ESR1: variants seen among roughly 807,000 people sequenced by gnomAD.
The protein encoded by ESR1 is estrogen receptor 1.
ESR1 carries 12 observed loss-of-function variants against 52.7 expected under a neutral mutation model. The observed-to-expected ratio is 0.23, with a 90% CI of 0.15 to 0.37. The LOEUF is 0.37. Among genes scored for constraint, ESR1 ranks in the 10% least tolerant of loss-of-function variants. The probability of loss-of-function intolerance (pLI) is 1.00; values close to 1 mark genes in which losing one functional copy is unlikely to be tolerated. For missense variants in ESR1, 584 were observed against 779.7 expected (o/e 0.75, Z 2.99); for synonymous variants, 305 against 316.8 (o/e 0.96, Z 0.39).
chr6:152,071,225 CAAGAA>C lies in ESR1; in HGVS notation c.1369+10104_1369+10108del, dbSNP rs2048328286. Among the ~76,000 whole-genome samples the C allele has an allele frequency of 3.5e-5, 5 of 144,052 alleles. No individual in the cohort carries two copies. The South Asian group carries it at 1.1e-3, about 31-fold the overall frequency. The allele number at this position is 144,052 out of a possible 152,430, so 94.5% of individuals were successfully genotyped here. ...GATCTGATGGTAAAGACAGATATAA[CAAGAA>C]AATTATTCTTTTTAAATATAAAATT... On this transcript the variant is annotated intron_variant, in intron 6 of 7. Transcript: ENST00000206249.
chr6:151,816,475 C>T (rs1377884155), intron 1 of ESR1, among the ~76,000 whole-genome samples: 1 of 152,188 alleles, frequency 6.6e-6, no homozygotes, highest in Non-Finnish European at 1.5e-5. Flanking sequence ...GGGCTTATAA[C>T]ATTCCTGGCA....
chr6:151,918,145 G>C (rs1455313405), intron 3 of ESR1, among the ~76,000 whole-genome samples: 1 of 152,184 alleles, frequency 6.6e-6, no homozygotes, highest in East Asian at 1.9e-4. Context: ...CTGACAGCAT[G>C]TGAATTGAGT....
chr6:151,745,803 A>G (rs1300751142), intron 2 of ESR1, among the ~76,000 whole-genome samples: 1 of 152,194 alleles, frequency 6.6e-6, no homozygotes, highest in African/African-American at 2.4e-5. Flanking sequence ...AAAGCAGTTT[A>G]CTAGTGTTAA....
chr6:151,801,295 T>G (rs944035315), upstream of ESR1, among the ~76,000 whole-genome samples: 1 of 152,196 alleles, frequency 6.6e-6, no homozygotes, highest in African/African-American at 2.4e-5. Context: ...TGAAAGTACT[T>G]TCTACATTGT....
At position 152,099,944 on chromosome 6, in the gene ESR1, G is replaced by C. The variant is rs1456231349; in HGVS notation, c.*978G>C. ...TGAGGGTAAATGGTAGTTGAAAGGA[G>C]CAGGGGCCCTGGTGTTGCATTTAGC... On this transcript the variant is annotated 3_prime_UTR_variant, in exon 8 of 8. Transcript: ENST00000206249. The C allele has an allele frequency of 2.5e-6, 1 of 398,926 alleles. No homozygotes were observed. Among genetic ancestry groups the C allele is most frequent in the Non-Finnish European group, 4.4e-6 (1 of 226,444 alleles). The allele number at this position is 398,926 out of a possible 1,614,324, so 24.7% of individuals were successfully genotyped here. A position where few individuals can be genotyped will look rare whatever the true frequency, so the allele number is the denominator to read the frequency against.
Position 151,865,640 on chromosome 6 carries a change from T to C in ESR1, c.644-15015T>C, listed in dbSNP as rs1241913255. 2.0e-5 allele frequency among the ~76,000 whole-genome samples: 3 copies of C among 152,166 alleles called. 1 individual carries two copies. Among genetic ancestry groups the C allele is most frequent in the Non-Finnish European group, 4.4e-5 (3 of 68,038 alleles). ...GCCAGACGACAAGGAGACATAGACCTCAGGTGAGTGAGAAAAGAGAATAAT... is the reference window on the plus strand; with the variant it reads ...GCCAGACGACAAGGAGACATAGACCCCAGGTGAGTGAGAAAAGAGAATAAT... On this transcript the variant is annotated intron_variant, in intron 2 of 7. Transcript: ENST00000206249.
chr6:151,831,103 G>T (rs1035661393), intron 1 of ESR1, among the ~76,000 whole-genome samples: 2 of 151,212 alleles, frequency 1.3e-5, no homozygotes, highest in African/African-American at 4.9e-5. Flanking sequence ...AAGAAGTATT[G>T]CTGTCCTTAC....
chr6:151,673,073 G>A (rs986326710), intron 1 of ESR1, among the ~76,000 whole-genome samples: 1 of 151,294 alleles, frequency 6.6e-6, no homozygotes, highest in Non-Finnish European at 1.5e-5. Context: ...TGATCCGCCC[G>A]CCTCAGCCTC....
chr6:151,961,297 C>T (rs546346233), intron 4 of ESR1, among the ~76,000 whole-genome samples: 3 of 152,132 alleles, frequency 2.0e-5, no homozygotes, highest in African/African-American at 7.2e-5. Context: ...ACTGTGGCAT[C>T]GTGAAAGACA....
chr6:151,739,690 C>T (rs753236355), intron 2 of ESR1, among the ~76,000 whole-genome samples: 1 of 152,226 alleles, frequency 6.6e-6, no homozygotes, highest in Non-Finnish European at 1.5e-5. Context: ...ATGGCCATGC[C>T]ATAGATGAAG....
chr6:151,969,459 G>A (rs2038668723), intron 4 of ESR1, among the ~76,000 whole-genome samples: 1 of 152,124 alleles, frequency 6.6e-6, no homozygotes, highest in African/African-American at 2.4e-5. Context: ...CCTTTTGAGG[G>A]AATGTGTGTG....
At chr6:151,961,849 C>T (rs1418373440) in intron 4 of ESR1, among the ~76,000 whole-genome samples, 1 of 152,122 alleles carries the variant, frequency 6.6e-6, no homozygotes. Flanking sequence ...CAAGCCCACC[C>T]GGTGTTGGGT....
intron 1 of ESR1, among the ~76,000 whole-genome samples, chr6:151,839,938 C>T (rs563305770): frequency 2.0e-5 from 3 of 152,014 alleles, no homozygotes; most frequent in South Asian, 4.2e-4. Flanking sequence ...AGCGTGGTTA[C>T]GATGGTAAAT....
chr6:152,089,821 C>T (rs143543355), intron 6 of ESR1, among the ~76,000 whole-genome samples: 7 of 152,280 alleles, frequency 4.6e-5, no homozygotes, highest in South Asian at 2.1e-4. Flanking sequence ...TCAAGTGTTC[C>T]GCCTGCCTTG....
chr6:151,765,756 T>C (rs1032989798), intron 2 of ESR1, among the ~76,000 whole-genome samples: 2 of 152,204 alleles, frequency 1.3e-5, no homozygotes, highest in Non-Finnish European at 2.9e-5. Context: ...TCAGAATCTT[T>C]TCAGCTCTAT....
At chr6:151,669,169 A>AGG (rs1314012356) in intron 1 of ESR1, among the ~76,000 whole-genome samples, 67 of 126,398 alleles carry the variant, frequency 5.3e-4, no homozygotes, top group East Asian at 2.1e-3. Context: ...AGAGAGAGAG[A>AGG]GAGAGAGAGA....
At chr6:151,851,264 G>A (rs1268382623) in intron 2 of ESR1, among the ~76,000 whole-genome samples, 4 of 152,110 alleles carry the variant, frequency 2.6e-5, no homozygotes. Flanking sequence ...CTAATCAAAA[G>A]TGACTGTTGT....
intron 5 of ESR1, among the ~76,000 whole-genome samples, chr6:152,033,713 A>G (rs981838608): frequency 6.6e-6 from 1 of 152,212 alleles, no homozygotes; most frequent in African/African-American, 2.4e-5. Context: ...AAACTAGTTC[A>G]ACCATTGTGG....
At chr6:151,990,303 TAGAA>T (rs2040885907) in intron 4 of ESR1, among the ~76,000 whole-genome samples, 1 of 151,942 alleles carries the variant, frequency 6.6e-6, no homozygotes, top group South Asian at 2.1e-4. Flanking sequence ...CATGTTATGT[TAGAA>T]AGAGTAGTGT....
Sources: allele counts gnomAD v4.1 joint callset (sites outside exome capture counted in the v4.1 genomes callset), GRCh38; gene constraint gnomAD v4.1.1; transcripts MANE v1.5; gene names NCBI Gene and HGNC (gene_info 2026-07-23, HGNC 2026-07-21).